NELL1: variants seen among roughly 807,000 people sequenced by gnomAD.
NELL1 encodes neural EGFL like 1.
NELL1 carries 76 observed loss-of-function variants against 107.4 expected under a neutral mutation model. That is an observed-to-expected ratio of 0.71 (90% confidence interval 0.59 to 0.86). The LOEUF is 0.86. NELL1 is among the 40% of genes least tolerant of loss of function. The pLI is 0.00. For missense variants in NELL1, 1,024 were observed against 1,005.5 expected (o/e 1.02, Z -0.25); for synonymous variants, 353 against 341.2 (o/e 1.03, Z -0.38).
Position 21,534,384 on chromosome 11 carries a change from A to T in NELL1, c.1656A>T (p.Glu552Asp), listed in dbSNP as rs1220501227. Residue 552 changes from glutamate to aspartate, a missense_variant, in exon 16 of 20, where the codon GAA (glutamate) becomes GAT (aspartate). Glu to Asp is a conservative substitution (Grantham distance 45). Coordinates refer to ENST00000357134, the MANE Select transcript of NELL1 (RefSeq NM_006157.5). ...TTTTCTCTGAGGCAGATATTGATGA[A>T]TGTTCAGAGGGAATCATTGAGTGCC... ...TGSHCEKDIDECSEGIIECHN... is the reference protein window; with the variant it reads ...TGSHCEKDIDDCSEGIIECHN... The T allele has an allele frequency of 1.2e-6, 2 of 1,613,810 alleles. No individual in the cohort carries two copies. Among genetic ancestry groups the T allele is most frequent in the East Asian group, 4.5e-5 (2 of 44,854 alleles).
chr11:21,000,025 A>G (rs965454150), intron 12 of NELL1, among the ~76,000 whole-genome samples: 1 of 152,116 alleles, frequency 6.6e-6, no homozygotes, highest in Non-Finnish European at 1.5e-5. Flanking sequence ...GCACTAATAG[A>G]TGATGTTCCT....
At chr11:20,826,248 A>G (rs998946593) in intron 3 of NELL1, among the ~76,000 whole-genome samples, 15 of 151,294 alleles carry the variant, frequency 9.9e-5, no homozygotes, top group African/African-American at 3.4e-4. Context: ...ACAACTTTAC[A>G]GGACCGAGAA....
intron 12 of NELL1, among the ~76,000 whole-genome samples, chr11:21,052,238 G>A (rs1191297287): frequency 6.6e-6 from 1 of 152,104 alleles, no homozygotes; most frequent in East Asian, 1.9e-4. Context: ...AGGGTAGGCA[G>A]GATCTCCAAG....
intron 13 of NELL1, among the ~76,000 whole-genome samples, chr11:21,201,715 G>A (rs2133848853): frequency 6.6e-6 from 1 of 152,306 alleles, no homozygotes; most frequent in South Asian, 2.1e-4. Flanking sequence ...AGTTTTCAAA[G>A]GGAATGCTTC....
At chr11:20,690,381 G>C (rs1360333654) in intron 2 of NELL1, among the ~76,000 whole-genome samples, 1 of 152,208 alleles carries the variant, frequency 6.6e-6, no homozygotes, top group Non-Finnish European at 1.5e-5. Context: ...GAATGGTGAT[G>C]CCTGGGTTTT....
chr11:20,723,857 C>G (rs960461164), intron 2 of NELL1, among the ~76,000 whole-genome samples: 1 of 152,238 alleles, frequency 6.6e-6, no homozygotes, highest in Non-Finnish European at 1.5e-5. Context: ...CCTCTGAAAT[C>G]TAGGTGGAGG....
chr11:20,686,671 A>G (rs142655629), intron 2 of NELL1, among the ~76,000 whole-genome samples: 3 of 152,296 alleles, frequency 2.0e-5, no homozygotes, highest in Admixed American at 6.5e-5. Flanking sequence ...TCGGTGATCA[A>G]TATGAGTAGG....
chr11:21,127,889 C>G (rs754057351), intron 13 of NELL1, among the ~76,000 whole-genome samples: 8 of 152,152 alleles, frequency 5.3e-5, no homozygotes, highest in Non-Finnish European at 1.0e-4. Flanking sequence ...CTTATCATAG[C>G]TGTTACTACA....
At chr11:21,261,408 A>G (rs1478549480) in intron 14 of NELL1, among the ~76,000 whole-genome samples, 2 of 151,532 alleles carry the variant, frequency 1.3e-5, no homozygotes, top group Non-Finnish European at 3.0e-5. Flanking sequence ...CTGTTGCTTT[A>G]GTTTTATTTC....
intron 3 of NELL1, among the ~76,000 whole-genome samples, chr11:20,838,352 A>C (rs2134046123): frequency 6.7e-6 from 1 of 149,396 alleles, no homozygotes; most frequent in East Asian, 2.0e-4. Context: ...CCTAGATAAG[A>C]GTGTGGAACC....
intron 2 of NELL1, among the ~76,000 whole-genome samples, chr11:20,707,103 C>G (rs1854983891): frequency 6.6e-6 from 1 of 152,166 alleles, no homozygotes; most frequent in Non-Finnish European, 1.5e-5. Flanking sequence ...CGCTTCATTT[C>G]ATTCATTTGG....
intron 2 of NELL1, among the ~76,000 whole-genome samples, chr11:20,703,919 TC>T (rs1381630817): frequency 6.6e-6 from 1 of 152,214 alleles, no homozygotes; most frequent in African/African-American, 2.4e-5. Context: ...TTGCTTTACT[TC>T]CAACTATGTG....
intron 2 of NELL1, among the ~76,000 whole-genome samples, chr11:20,760,559 C>T (rs1169177941): frequency 3.3e-5 from 5 of 152,102 alleles, no homozygotes; most frequent in African/African-American, 1.2e-4. Context: ...TCCTCAAGGG[C>T]ATGGATGGAA....
chr11:21,210,695 A>G (rs1217321088), intron 13 of NELL1, among the ~76,000 whole-genome samples: 1 of 152,210 alleles, frequency 6.6e-6, no homozygotes, highest in East Asian at 1.9e-4. Flanking sequence ...TTTTTGCAAA[A>G]GAAATGCCTT....
At chr11:21,255,181 G>A (rs914980899) in intron 14 of NELL1, among the ~76,000 whole-genome samples, 17 of 152,180 alleles carry the variant, frequency 1.1e-4, no homozygotes, top group Admixed American at 6.5e-4. Flanking sequence ...CTTCCCCCCC[G>A]GAGGTTAAGC....
chr11:20,844,164 T>A (rs1848666344), intron 3 of NELL1, among the ~76,000 whole-genome samples: 1 of 152,102 alleles, frequency 6.6e-6, no homozygotes, highest in Admixed American at 6.5e-5. Flanking sequence ...ATGCTGTATT[T>A]AAGTGGAAAA....
At chr11:20,862,562 G>A (rs944133658) in intron 4 of NELL1, among the ~76,000 whole-genome samples, 2 of 145,548 alleles carry the variant, frequency 1.4e-5, no homozygotes, top group African/African-American at 2.5e-5. Context: ...TCATAGTAAC[G>A]TACAGAATAG....
chr11:21,527,725 C>T (rs114301498), intron 15 of NELL1, among the ~76,000 whole-genome samples: 5,242 of 152,220 alleles, frequency 0.034, 303 homozygotes, highest in African/African-American at 0.12. Flanking sequence ...CCCTGAGAGT[C>T]CCTGGCAAAT....
At chr11:20,750,904 G>T (rs1590259072) in intron 2 of NELL1, among the ~76,000 whole-genome samples, 1 of 152,080 alleles carries the variant, frequency 6.6e-6, no homozygotes, top group Non-Finnish European at 1.5e-5. Context: ...TAATTTTTGT[G>T]TGTGATATAA....
Sources: allele counts gnomAD v4.1 joint callset (sites outside exome capture counted in the v4.1 genomes callset), GRCh38; gene constraint gnomAD v4.1.1; transcripts MANE v1.5; gene names NCBI Gene and HGNC (gene_info 2026-07-23, HGNC 2026-07-21).